Variants in CFAP96 observed in about 807,000 individuals in gnomAD.
CFAP96 encodes the protein cilia-and flagella-associated protein 96.
the CFAP96 span, among the ~76,000 whole-genome samples, chr4:185,443,921 CTTTTTTTTTTTTTTTTTTTTTTTTTTTT>C: frequency 3.6e-5 from 3 of 82,810 alleles, no homozygotes; most frequent in African/African-American, 9.3e-5. Context: ...CTATATCTTT[CTTTTTTTTTTTTTTTTTTTTTTTTTTTT>C]TTTTTTTTTT....
At chr4:185,415,590 C>G in the CFAP96 span, 1 of 970,258 alleles carries the variant, frequency 1.0e-6, no homozygotes, top group Non-Finnish European at 1.5e-6. Flanking sequence ...ATAGATGGCT[C>G]TTAGGTTAAT....
At chr4:185,424,848 A>G in the CFAP96 span, among the ~76,000 whole-genome samples, 1 of 152,232 alleles carries the variant, frequency 6.6e-6, no homozygotes, top group Non-Finnish European at 1.5e-5. Context: ...ACAACTTCCC[A>G]GGGTTGTTAT....
chr4:185,424,542 ACAAT>A, the CFAP96 span, among the ~76,000 whole-genome samples: 1 of 152,222 alleles, frequency 6.6e-6, no homozygotes, highest in Admixed American at 6.5e-5. Flanking sequence ...TTCTAAGGAA[ACAAT>A]CAAGAAAGTT....
chr4:185,440,656 TAAAAA>T, the CFAP96 span: 1 of 1,511,584 alleles, frequency 6.6e-7, no homozygotes, highest in African/African-American at 1.4e-5. Flanking sequence ...TACCACCAAT[TAAAAA>T]AGAAGAGAAG....
the CFAP96 span, among the ~76,000 whole-genome samples, chr4:185,425,315 T>C: frequency 9.9e-5 from 15 of 152,140 alleles, no homozygotes; most frequent in East Asian, 2.9e-3. Context: ...GAGCTTGAAA[T>C]ACATATGAGC....
chr4:185,436,412 T>C, the CFAP96 span: 1 of 1,318,170 alleles, frequency 7.6e-7, no homozygotes. Context: ...GCTAACTCGA[T>C]ATTAATAATT....
the CFAP96 span, among the ~76,000 whole-genome samples, chr4:185,448,267 C>T: frequency 3.0e-3 from 453 of 152,246 alleles, 2 homozygotes; most frequent in Non-Finnish European, 4.7e-3. Flanking sequence ...GTGATCCGCC[C>T]GCCTCAGCCT....
the CFAP96 span, among the ~76,000 whole-genome samples, chr4:185,422,067 G>A: frequency 6.8e-4 from 103 of 152,286 alleles, 1 homozygote; most frequent in Middle Eastern, 6.8e-3. Flanking sequence ...TATAAACCCT[G>A]TTGATTTTTC....
At chr4:185,429,637 G>C in the CFAP96 span, 1 of 601,798 alleles carries the variant, frequency 1.7e-6, no homozygotes, top group Non-Finnish European at 2.8e-6. Context: ...TCTAAAGTTT[G>C]TTAACGTGTA....
chr4:185,423,933 A>C, the CFAP96 span, among the ~76,000 whole-genome samples: 1 of 152,192 alleles, frequency 6.6e-6, no homozygotes, highest in Non-Finnish European at 1.5e-5. Flanking sequence ...AAACAGGCTG[A>C]AGAACCATAG....
chr4:185,413,795 C>T, the CFAP96 span: 1 of 1,613,540 alleles, frequency 6.2e-7, no homozygotes, highest in Non-Finnish European at 8.5e-7. Context: ...CTTTGTATGG[C>T]TCATCTGGAA....
At chr4:185,414,014 A>G in the CFAP96 span, 1 of 668,554 alleles carries the variant, frequency 1.5e-6, no homozygotes, top group Non-Finnish European at 2.2e-6. Flanking sequence ...ATTCACTAAC[A>G]TCAAAGATGG....
the CFAP96 span, among the ~76,000 whole-genome samples, chr4:185,434,931 G>C: frequency 4.3e-4 from 66 of 152,152 alleles, no homozygotes; most frequent in Middle Eastern, 3.4e-3. Flanking sequence ...TAGTAGAGAT[G>C]GGTTTCGCCA....
chr4:185,410,644 T>C, the CFAP96 span, among the ~76,000 whole-genome samples: 256 of 146,140 alleles, frequency 1.8e-3, no homozygotes, highest in Non-Finnish European at 8.5e-4. Context: ...CAAGACTCCA[T>C]CTCAAAAAAA....
the CFAP96 span, among the ~76,000 whole-genome samples, chr4:185,420,737 AAAGTT>A: frequency 2.6e-5 from 4 of 152,218 alleles, no homozygotes; most frequent in African/African-American, 9.6e-5. Flanking sequence ...TGAAGCCTTT[AAAGTT>A]AAGCATGTCC....
At chr4:185,428,327 G>T in the CFAP96 span, among the ~76,000 whole-genome samples, 1 of 151,324 alleles carries the variant, frequency 6.6e-6, no homozygotes, top group Non-Finnish European at 1.5e-5. Flanking sequence ...TAATCCCAGC[G>T]CTTTGGGAGG....
the CFAP96 span, among the ~76,000 whole-genome samples, chr4:185,425,034 AGGT>A: frequency 3.3e-5 from 5 of 152,224 alleles, no homozygotes; most frequent in Non-Finnish European, 5.9e-5. Flanking sequence ...AAGACCACTT[AGGT>A]GACTACCCCA....
At chr4:185,444,512 T>G in the CFAP96 span, among the ~76,000 whole-genome samples, 16 of 152,192 alleles carry the variant, frequency 1.1e-4, no homozygotes, top group Admixed American at 1.0e-3. Context: ...CTCTCAACTT[T>G]CTATTTCTTT....
At chr4:185,433,409 A>G in the CFAP96 span, among the ~76,000 whole-genome samples, 9 of 138,030 alleles carry the variant, frequency 6.5e-5, no homozygotes, top group Non-Finnish European at 6.3e-5. Context: ...AAAAAAAAAA[A>G]AAAAGAAAAG....
Sources: gnomAD v4.1 joint callset for allele counts (sites outside exome capture counted in the v4.1 genomes callset) on GRCh38, gnomAD v4.1.1 for gene constraint, MANE v1.5 for transcripts, NCBI Gene and HGNC (gene_info 2026-07-23, HGNC 2026-07-21) for gene names.